ACTR1A: variants seen among roughly 807,000 people sequenced by gnomAD.
The protein encoded by ACTR1A is alpha-centractin.
In ACTR1A, 10 loss-of-function variants were observed where a neutral mutation model predicts 50.7. That is an observed-to-expected ratio of 0.20 (90% CI 0.12 to 0.33). The LOEUF (loss-of-function observed/expected upper bound fraction) is 0.33. Among genes scored for constraint, ACTR1A ranks in the 10% least tolerant of loss-of-function variants. The pLI is 1.00. For missense variants in ACTR1A, 253 were observed against 491.7 expected (o/e 0.51, Z 4.59); for synonymous variants, 177 against 184.2 (o/e 0.96, Z 0.32).
intron 1 of ACTR1A, 99 bp from the exon 2 acceptor site, chr10:102,490,712 G>T: frequency 9.9e-7 from 1 of 1,005,812 alleles, no homozygotes; most frequent in Non-Finnish European, 1.5e-6. Context: ...AAAGAAAGCG[G>T]CCGGGCGCAG....
At chr10:102,499,757 G>A (rs1352417749) in intron 1 of ACTR1A, among the ~76,000 whole-genome samples, 1 of 152,176 alleles carries the variant, frequency 6.6e-6, no homozygotes, top group African/African-American at 2.4e-5. Flanking sequence ...AGCACAAAGA[G>A]CCTGGCTAAA....
chr10:102,496,211 T>C (rs917424937), intron 1 of ACTR1A, among the ~76,000 whole-genome samples: 14 of 152,166 alleles, frequency 9.2e-5, no homozygotes, highest in African/African-American at 3.4e-4. Context: ...AAAATCAGAA[T>C]ATCTGGCAAC....
Position 102,479,395 on chromosome 10 carries a change from G to A in ACTR1A, c.*1468C>T. ...TACGTTGCTTTCACACATACCTGCT[G>A]CTGTGGCCCACACCTGGCAGGGGCC... On this transcript the variant is annotated 3_prime_UTR_variant, in exon 11 of 11. Transcript: ENST00000369905. This position sits in a 1 kb window ranked among gnomAD's most constrained non-coding sequence, Gnocchi z 4.0. 1 of 370,712 alleles carries A rather than the reference G, an allele frequency of 2.7e-6. No individual in the cohort carries two copies. Among genetic ancestry groups the A allele is most frequent in the South Asian group, 2.0e-5 (1 of 49,052 alleles). The allele number at this position is 370,712 out of a possible 1,614,324, so 23.0% of individuals were successfully genotyped here.
intron 1 of ACTR1A, among the ~76,000 whole-genome samples, chr10:102,492,686 C>T (rs2062200184): frequency 6.6e-6 from 1 of 152,062 alleles, no homozygotes; most frequent in Non-Finnish European, 1.5e-5. Flanking sequence ...TTTGGCAAGA[C>T]AGAGGTTGGT....
intron 1 of ACTR1A, among the ~76,000 whole-genome samples, chr10:102,490,966 C>A (rs375201144): frequency 6.6e-6 from 1 of 151,852 alleles, no homozygotes; most frequent in Non-Finnish European, 1.5e-5. Flanking sequence ...GCACTCCAGC[C>A]TGGGTGACAG....
At chr10:102,490,129 G>A (rs1006595581) in intron 2 of ACTR1A, among the ~76,000 whole-genome samples, 2 of 151,410 alleles carry the variant, frequency 1.3e-5, no homozygotes, top group African/African-American at 2.4e-5. Context: ...CCAGCTACTC[G>A]GGAGGCTGAG....
chr10:102,493,584 G>C (rs1435947085), intron 1 of ACTR1A, among the ~76,000 whole-genome samples: 1 of 152,186 alleles, frequency 6.6e-6, no homozygotes, highest in Non-Finnish European at 1.5e-5. Flanking sequence ...TCCTCCTGAA[G>C]AAACATCCCC....
rs1295350324 is a variant in ACTR1A, at chr10:102,485,655, AG to A, written c.393del (p.Phe132SerfsTer86). 1 of 1,613,948 alleles carries A rather than the reference AG, an allele frequency of 6.2e-7. No individual in the cohort carries two copies. On this transcript the variant is annotated frameshift_variant, in exon 5 of 11. Coordinates refer to ENST00000369905, the MANE Select transcript of ACTR1A (RefSeq NM_005736.4). LOFTEE classifies it high-confidence loss of function. The part of the protein sequence containing the change: ...RERAAEVFFE[T>X]FNVPALFISM... Reference sequence around the variant, plus strand: ...GAGATGAAAAGAGCGGGCACATTGAAGGTCTCGAAGAAAACTTCGGCAGCTC... The same window carrying A: ...GAGATGAAAAGAGCGGGCACATTGAAGTCTCGAAGAAAACTTCGGCAGCTC...
chr10:102,494,155 AT>A (rs559762435), intron 1 of ACTR1A, among the ~76,000 whole-genome samples: 48 of 152,368 alleles, frequency 3.2e-4, no homozygotes, highest in Admixed American at 5.9e-4. Context: ...TGTCTTTGTT[AT>A]TCACTCTGGC....
At chr10:102,493,228 T>G (rs2062203744) in intron 1 of ACTR1A, among the ~76,000 whole-genome samples, 1 of 152,130 alleles carries the variant, frequency 6.6e-6, no homozygotes, top group Non-Finnish European at 1.5e-5. Flanking sequence ...GCAATTTGCC[T>G]ACAAACCCAA....
chr10:102,482,958 C>T lies in ACTR1A; in HGVS notation c.750+53G>A. On this transcript the variant is annotated intron_variant, in intron 7 of 10. Coordinates refer to ENST00000369905, the MANE Select transcript of ACTR1A (RefSeq NM_005736.4). The surrounding 1 kb of genome is among the most constrained non-coding windows in gnomAD (Gnocchi z 5.6). ...ACCCTGATGGAGAATTCTGGTTGGG[C>T]CCAGAGCTTTTGTGGACCTAAGGGG... 4 of 1,440,450 alleles carry T rather than the reference C, an allele frequency of 2.8e-6. No homozygotes were observed. The highest frequency in any genetic ancestry group is 1.8e-4 in the Middle Eastern group (1 of 5,432). 89.2% of individuals were successfully genotyped at this position (1,440,450 alleles called of 1,614,324 possible). A position where few individuals can be genotyped will look rare whatever the true frequency, so the allele number is the denominator to read the frequency against.
intron 2 of ACTR1A, among the ~76,000 whole-genome samples, chr10:102,489,942 T>C (rs1205370414): frequency 6.6e-6 from 1 of 151,722 alleles, no homozygotes; most frequent in Non-Finnish European, 1.5e-5. Flanking sequence ...AGGAGGAAAG[T>C]TCTGAGAAAC....
chr10:102,497,511 C>T (rs929667841), intron 1 of ACTR1A, among the ~76,000 whole-genome samples: 4 of 151,532 alleles, frequency 2.6e-5, no homozygotes, highest in Non-Finnish European at 4.4e-5. Context: ...TGCTCGAGCT[C>T]AGGAGTTTGA....
intron 1 of ACTR1A, among the ~76,000 whole-genome samples, chr10:102,493,381 AAG>A (rs1445660552): frequency 6.6e-5 from 10 of 152,228 alleles, no homozygotes; most frequent in Non-Finnish European, 1.2e-4. Context: ...GGTTAAAAAC[AAG>A]AGAGGATGAG....
chr10:102,502,049 A>G (rs1320438952), intron 1 of ACTR1A, among the ~76,000 whole-genome samples: 1 of 152,160 alleles, frequency 6.6e-6, no homozygotes, highest in Non-Finnish European at 1.5e-5. Context: ...AGGAAAACTT[A>G]GCCGTTCTCC....
chr10:102,499,845 G>C (rs1764638706), intron 1 of ACTR1A, among the ~76,000 whole-genome samples: 1 of 152,164 alleles, frequency 6.6e-6, no homozygotes, highest in Admixed American at 6.5e-5. Context: ...TAACTAACTA[G>C]AGAAAACTCC....
In ACTR1A at chr10:102,480,911, C is replaced by T; in HGVS notation, c.1083G>A (p.Lys361=). The T allele has an allele frequency of 6.2e-7, 1 of 1,614,140 alleles. No individual in the cohort carries two copies. Among genetic ancestry groups the T allele is most frequent in the Non-Finnish European group, 8.5e-7 (1 of 1,180,002 alleles). Residue 361 remains lysine, a synonymous_variant, in exon 11 of 11, where the codon AAG becomes AAA. Coordinates refer to ENST00000369905, the MANE Select transcript of ACTR1A (RefSeq NM_005736.4). The part of the protein sequence containing the change: ...DTFKKMWVSK[K]EYEEDGARSI... The stretch of plus-strand genomic sequence containing the variant: ...ATCGGGCACCGTCTTCCTCATATTC[C>T]TTTTTGGAGACCCACATCTTCTTAA...
At position 102,485,983 on chromosome 10, in the gene ACTR1A, A is replaced by G. The variant is rs535499441; in HGVS notation, c.316-250T>C. ...CCCCCAACTCCCCTCCTTGTCCTCCAAGATTGTTATACAGGCCCCTGTGTC... is the reference window on the plus strand; with the variant it reads ...CCCCCAACTCCCCTCCTTGTCCTCCGAGATTGTTATACAGGCCCCTGTGTC... On this transcript the variant is annotated intron_variant, in intron 4 of 10. Transcript: ENST00000369905. Among the ~76,000 whole-genome samples, 25 of 152,228 alleles carry G rather than the reference A, an allele frequency of 1.6e-4. No individual in the cohort carries two copies. In the East Asian group the frequency reaches 4.8e-3, roughly 29 times the overall value.
intron 4 of ACTR1A, 31 bp from the exon 5 acceptor site, chr10:102,485,764 C>T: frequency 6.2e-7 from 1 of 1,610,428 alleles, no homozygotes; most frequent in Non-Finnish European, 8.5e-7. Context: ...GACAATGAGG[C>T]CAAGGCCAGA....
Sources: allele counts gnomAD v4.1 joint callset (sites outside exome capture counted in the v4.1 genomes callset), GRCh38; gene constraint gnomAD v4.1.1; non-coding constraint Gnocchi (gnomAD v3.1); transcripts MANE v1.5; gene names NCBI Gene and HGNC (gene_info 2026-07-23, HGNC 2026-07-21).